Variants in ADAMTS19 observed in about 807,000 individuals in gnomAD.
ADAMTS19 encodes A disintegrin and metalloproteinase with thrombospondin motifs 19.
ADAMTS19 carries 93 observed loss-of-function variants against 153.3 expected under a neutral mutation model. The observed-to-expected ratio is 0.61, with a 90% CI of 0.51 to 0.72. ADAMTS19 has a LOEUF of 0.72. Ranked by LOEUF, ADAMTS19 falls within the 30% of genes least tolerant of loss-of-function variation. ADAMTS19 has a pLI of 0.00. For missense variants in ADAMTS19, 1,482 were observed against 1,552.1 expected (o/e 0.95, Z 0.76); for synonymous variants, 600 against 556.6 (o/e 1.08, Z -1.10).
chr5:129,570,454 C>A (rs146882976), intron 7 of ADAMTS19, among the ~76,000 whole-genome samples: 1 of 151,546 alleles, frequency 6.6e-6, no homozygotes, highest in East Asian at 1.9e-4. Context: ...AAAATAAAAT[C>A]TCCAGCACTA....
chr5:129,509,484 T>C (rs1751365794), intron 3 of ADAMTS19, among the ~76,000 whole-genome samples: 1 of 151,998 alleles, frequency 6.6e-6, no homozygotes, highest in Admixed American at 6.6e-5. Context: ...ATCCTATACT[T>C]TTCTTGAATT....
rs749858191 is a variant in ADAMTS19 at position 129,528,635 on chromosome 5, G to T, written c.1286G>T (p.Gly429Val). The T allele has an allele frequency of 3.5e-5, 56 of 1,601,990 alleles. No homozygotes were observed. Among genetic ancestry groups the T allele is most frequent in the Non-Finnish European group, 4.4e-5 (52 of 1,175,340 alleles). Reference sequence around the variant, plus strand: ...CATTTAGAGATGTCAACAAACTGGGGGGAAGACATGACTTCAGTGGATGCA... The same window carrying T: ...CATTTAGAGATGTCAACAAACTGGGTGGAAGACATGACTTCAGTGGATGCA... ...DIHLEMSTNW[G>V]EDMTSVDAAI... The change falls in exon 6 of 23, where the codon GGG becomes GTG. Residue 429 changes from glycine to valine, a missense_variant. Gly to Val is a moderately radical substitution (Grantham distance 109). This residue lies in a region of ADAMTS19 where 866 missense variants were observed against 827.7 expected (regional missense o/e 1.05). Transcript: ENST00000274487.
chr5:129,580,873 G>C (rs1265711435), intron 7 of ADAMTS19, among the ~76,000 whole-genome samples: 1 of 152,162 alleles, frequency 6.6e-6, no homozygotes, highest in Non-Finnish European at 1.5e-5. Flanking sequence ...ATGTTCGTCA[G>C]GGATATTGGC....
chr5:129,637,623 T>C (rs1752590964), intron 10 of ADAMTS19, among the ~76,000 whole-genome samples: 1 of 152,106 alleles, frequency 6.6e-6, no homozygotes, highest in African/African-American at 2.4e-5. Flanking sequence ...TGCGGGCGGA[T>C]CAGCTGAGGT....
chr5:129,514,625 T>C (rs1222149630), intron 3 of ADAMTS19, among the ~76,000 whole-genome samples: 2 of 152,106 alleles, frequency 1.3e-5, no homozygotes, highest in African/African-American at 4.8e-5. Context: ...TGCCTATTTT[T>C]TGATTGGATT....
intron 7 of ADAMTS19, among the ~76,000 whole-genome samples, chr5:129,571,066 G>A (rs769278029): frequency 6.6e-6 from 1 of 151,828 alleles, no homozygotes; most frequent in Non-Finnish European, 1.5e-5. Flanking sequence ...TCCCAGATAT[G>A]CAATTAGGTG....
intron 6 of ADAMTS19, among the ~76,000 whole-genome samples, chr5:129,550,524 A>T (rs553583591): frequency 1.3e-5 from 2 of 149,852 alleles, no homozygotes; most frequent in East Asian, 3.9e-4. Context: ...ATCTGTATAT[A>T]TATACATATA....
intron 21 of ADAMTS19, among the ~76,000 whole-genome samples, chr5:129,706,860 G>GT (rs1756180574): frequency 6.6e-6 from 1 of 152,026 alleles, no homozygotes; most frequent in South Asian, 2.1e-4. Context: ...ACTGATTGTG[G>GT]TTTTTTATGC....
At chr5:129,637,856 A>G (rs1235835785) in intron 10 of ADAMTS19, among the ~76,000 whole-genome samples, 1 of 152,130 alleles carries the variant, frequency 6.6e-6, no homozygotes, top group Admixed American at 6.5e-5. Context: ...CTCCAAAACA[A>G]CAAGAACAAC....
At chr5:129,526,573 T>C in intron 4 of ADAMTS19, 117 bp downstream of exon 4, 1 of 1,000,632 alleles carries the variant, frequency 1.0e-6, no homozygotes. Context: ...TTTCTCTTAT[T>C]GTCATCAGTA....
intron 2 of ADAMTS19, among the ~76,000 whole-genome samples, chr5:129,465,945 T>G (rs892750232): frequency 1.3e-5 from 2 of 152,192 alleles, no homozygotes; most frequent in Non-Finnish European, 2.9e-5. Flanking sequence ...ATATAGACTT[T>G]AGAAAACATC....
intron 3 of ADAMTS19, among the ~76,000 whole-genome samples, chr5:129,510,596 A>T (rs888673363): frequency 6.6e-6 from 1 of 151,786 alleles, no homozygotes; most frequent in African/African-American, 2.4e-5. Flanking sequence ...GAAATGATAA[A>T]AACGACAGCT....
chr5:129,718,629 T>A (rs890042015), intron 21 of ADAMTS19, among the ~76,000 whole-genome samples: 1 of 152,300 alleles, frequency 6.6e-6, no homozygotes, highest in East Asian at 1.9e-4. Flanking sequence ...AATGCAGCGC[T>A]AATAATTTCC....
At chr5:129,506,028 C>G (rs1046023047) in intron 2 of ADAMTS19, among the ~76,000 whole-genome samples, 2 of 152,158 alleles carry the variant, frequency 1.3e-5, no homozygotes, top group African/African-American at 4.8e-5. Context: ...GTGGATTGCC[C>G]AGCACAGGGG....
intron 2 of ADAMTS19, among the ~76,000 whole-genome samples, chr5:129,479,203 A>G (rs936870698): frequency 6.6e-5 from 10 of 152,172 alleles, no homozygotes; most frequent in African/African-American, 2.4e-4. Flanking sequence ...AGTATTATTT[A>G]TCAGAGATAT....
intron 7 of ADAMTS19, among the ~76,000 whole-genome samples, chr5:129,593,427 C>A (rs1750236710): frequency 6.6e-6 from 1 of 152,174 alleles, no homozygotes; most frequent in Non-Finnish European, 1.5e-5. Context: ...AATACCTAGT[C>A]ATGTCTCAGA....
At chr5:129,547,111 T>A (rs1048441122) in intron 6 of ADAMTS19, among the ~76,000 whole-genome samples, 1 of 150,786 alleles carries the variant, frequency 6.6e-6, no homozygotes, top group Non-Finnish European at 1.5e-5. Context: ...GATGTGATTG[T>A]ATTAAGGATC....
intron 10 of ADAMTS19, among the ~76,000 whole-genome samples, chr5:129,629,846 A>G (rs1416742943): frequency 6.6e-6 from 1 of 152,074 alleles, no homozygotes; most frequent in Admixed American, 6.6e-5. Context: ...TCCTGAAATT[A>G]CTTAGACTGG....
At chr5:129,536,307 A>G (rs529587351) in intron 6 of ADAMTS19, among the ~76,000 whole-genome samples, 1 of 152,334 alleles carries the variant, frequency 6.6e-6, no homozygotes, top group Admixed American at 6.5e-5. Context: ...AGACACATGA[A>G]AAAATGCTCA....
Sources: gnomAD v4.1 joint callset for allele counts (sites outside exome capture counted in the v4.1 genomes callset) on GRCh38, gnomAD v4.1.1 for gene constraint, gnomAD v4.1.1 regional missense constraint, MANE v1.5 for transcripts, NCBI Gene and HGNC (gene_info 2026-07-23, HGNC 2026-07-21) for gene names.